STAM: variants seen among roughly 807,000 people sequenced by gnomAD.
STAM encodes the protein signal transducing adapter molecule 1.
In STAM, 16 loss-of-function variants were observed where a neutral mutation model predicts 63.4. The ratio of observed to expected loss-of-function variants is 0.25; its 90% CI spans 0.17 to 0.38. STAM has a LOEUF of 0.38. STAM is among the 10% of genes least tolerant of loss of function. The probability of loss-of-function intolerance (pLI) is 1.00; values close to 1 mark genes in which losing one functional copy is unlikely to be tolerated. For synonymous variants in STAM, 238 were observed against 223.9 expected (o/e 1.06, Z -0.56); for missense variants, 636 against 657.1 (o/e 0.97, Z 0.35).
At position 17,655,069 on chromosome 10, in the gene STAM, C is replaced by A. The variant is rs546005211; in HGVS notation, c.41-5395C>A. On this transcript the variant is annotated intron_variant, in intron 1 of 13. Transcript: ENST00000377524. ...TATTTTCTAAATACATCGGGAAGCC[C>A]TTCCTGATTCTCCTCTTCTCTCTCT... is the stretch of plus-strand genomic sequence containing the variant. 1.7e-4 allele frequency among the ~76,000 whole-genome samples: 26 copies of A among 152,256 alleles called. 1 individual carries two copies. In the South Asian group the frequency reaches 5.2e-3, roughly 30 times the overall value.
Position 17,658,925 on chromosome 10 carries a change from A to C in STAM, c.41-1539A>C, listed in dbSNP as rs142743724. ...TTGGTGTAGTATGCAGACCATTGAC[A>C]TGTAAAGTGACTGTTAATATACTTG... On this transcript the variant is annotated intron_variant, in intron 1 of 13. Transcript: ENST00000377524. Among the ~76,000 whole-genome samples the C allele has an allele frequency of 4.9e-3, 753 of 152,290 alleles. 3 individuals carry two copies. Among genetic ancestry groups the C allele is most frequent in the African/African-American group, 0.017 (726 of 41,574 alleles).
intron 13 of STAM, among the ~76,000 whole-genome samples, chr10:17,713,194 G>T (rs1158728508): frequency 1.3e-5 from 2 of 152,042 alleles, no homozygotes; most frequent in African/African-American, 4.8e-5. Context: ...AGCCTCATTT[G>T]CCTCTTGCCT....
rs200739308 is a variant in STAM at position 17,644,321 on chromosome 10, A to G, written c.-19A>G. On this transcript the variant is annotated 5_prime_UTR_variant, in exon 1 of 14. Coordinates refer to ENST00000377524, the MANE Select transcript of STAM (RefSeq NM_003473.4). Reference sequence around the variant, plus strand: ...CTGTCGAGAGGGAGTCCCCGGGGACACCTCGGCACGCAGCGGAGATGCCTC... The same window carrying G: ...CTGTCGAGAGGGAGTCCCCGGGGACGCCTCGGCACGCAGCGGAGATGCCTC... 2.5e-5 allele frequency: 40 copies of G among 1,614,046 alleles called. No homozygotes were observed. The African/African-American group carries it at 5.1e-4, about 20-fold the overall frequency.
chr10:17,668,155 G>A (rs184689672), intron 2 of STAM, among the ~76,000 whole-genome samples: 3 of 152,318 alleles, frequency 2.0e-5, no homozygotes, highest in African/African-American at 7.2e-5. Context: ...TGATGTTGGA[G>A]AGAGAGGCAG....
intron 13 of STAM, among the ~76,000 whole-genome samples, chr10:17,709,892 G>A (rs749010279): frequency 4.0e-5 from 6 of 149,348 alleles, no homozygotes; most frequent in East Asian, 2.0e-4. Context: ...AGGCCCACAT[G>A]TCAGAAAACA....
At chr10:17,707,487 C>T (rs536768142) in intron 12 of STAM, among the ~76,000 whole-genome samples, 24 of 152,040 alleles carry the variant, frequency 1.6e-4, no homozygotes, top group African/African-American at 4.8e-4. Flanking sequence ...AAAGTGGGCA[C>T]GGACTGTGTT....
At chr10:17,664,794 T>A (rs1441193969) in intron 2 of STAM, among the ~76,000 whole-genome samples, 1 of 152,044 alleles carries the variant, frequency 6.6e-6, no homozygotes, top group African/African-American at 2.4e-5. Context: ...AGAAAAAAAA[T>A]TATTATTGCT....
intron 2 of STAM, among the ~76,000 whole-genome samples, chr10:17,671,186 T>TA (rs1157746415): frequency 1.3e-5 from 2 of 152,230 alleles, no homozygotes; most frequent in African/African-American, 4.8e-5. Flanking sequence ...TGCATGCACA[T>TA]ACTCCTCCTT....
chr10:17,688,462 T>G (rs1835385841), intron 5 of STAM, among the ~76,000 whole-genome samples: 1 of 152,024 alleles, frequency 6.6e-6, no homozygotes, highest in African/African-American at 2.4e-5. Flanking sequence ...TTTGGTATAG[T>G]TTTTGTTTGT....
At chr10:17,707,940 G>A (rs1338249679) in intron 12 of STAM, among the ~76,000 whole-genome samples, 2 of 151,812 alleles carry the variant, frequency 1.3e-5, no homozygotes, top group Admixed American at 6.6e-5. Flanking sequence ...GCCCAGGCTG[G>A]AGTGCAGTGG....
chr10:17,695,601 G>GT (rs1182083488), intron 7 of STAM: 15 of 163,788 alleles, frequency 9.2e-5, no homozygotes, highest in Middle Eastern at 3.0e-3. Flanking sequence ...AATCTATTGA[G>GT]TTTTTTTTAC....
At chr10:17,662,697 T>C (rs1473281405) in intron 2 of STAM, among the ~76,000 whole-genome samples, 2 of 152,220 alleles carry the variant, frequency 1.3e-5, no homozygotes, top group African/African-American at 2.4e-5. Context: ...GTAACTTATC[T>C]TTCTGGGCCT....
intron 5 of STAM, 137 bp downstream of exon 5, chr10:17,688,310 C>A: frequency 2.6e-6 from 2 of 775,424 alleles, no homozygotes; most frequent in Non-Finnish European, 3.9e-6. Context: ...GTGTTAGTAA[C>A]TAGTTGTATT....
chr10:17,670,264 C>T (rs559132381), intron 2 of STAM, among the ~76,000 whole-genome samples: 11 of 152,222 alleles, frequency 7.2e-5, no homozygotes, highest in African/African-American at 2.4e-4. Context: ...TTAAAAACAT[C>T]GTATATTTTA....
At chr10:17,673,200 T>A in intron 2 of STAM, 1 of 184,156 alleles carries the variant, frequency 5.4e-6, no homozygotes, top group Non-Finnish European at 1.0e-5. Flanking sequence ...CCTCTGTTCC[T>A]CCCAGCACTA....
At chr10:17,687,119 A>G (rs80103473) in intron 4 of STAM, among the ~76,000 whole-genome samples, 3 of 152,210 alleles carry the variant, frequency 2.0e-5, no homozygotes, top group Non-Finnish European at 4.4e-5. Context: ...ACGGAAGAAT[A>G]ATGCCCTGCA....
intron 4 of STAM, among the ~76,000 whole-genome samples, chr10:17,687,194 G>T (rs1835325637): frequency 1.3e-5 from 2 of 152,074 alleles, no homozygotes; most frequent in Non-Finnish European, 2.9e-5. Flanking sequence ...GTTATTTTGG[G>T]CTGGGCACGG....
chr10:17,685,761 T>C (rs565438246), intron 4 of STAM, among the ~76,000 whole-genome samples: 2 of 152,174 alleles, frequency 1.3e-5, no homozygotes, highest in Non-Finnish European at 2.9e-5. Context: ...TGTTTTTCTA[T>C]TGGGACACAG....
At chr10:17,674,950 C>G (rs1325748118) in intron 2 of STAM, among the ~76,000 whole-genome samples, 2 of 152,130 alleles carry the variant, frequency 1.3e-5, no homozygotes, top group Non-Finnish European at 2.9e-5. Context: ...AATGGAATGA[C>G]AAAATGTGAT....
Sources: allele counts gnomAD v4.1 joint callset (sites outside exome capture counted in the v4.1 genomes callset), GRCh38; gene constraint gnomAD v4.1.1; transcripts MANE v1.5; gene names NCBI Gene and HGNC (gene_info 2026-07-23, HGNC 2026-07-21).